The following PROK2 variants were observed in gnomAD, a reference collection of about 807,000 sequenced individuals.
The protein encoded by PROK2 is prokineticin 2, also known as prokineticin-2.
PROK2 carries 8 observed loss-of-function variants against 14.2 expected under a neutral mutation model. That is an observed-to-expected ratio of 0.56 (90% CI 0.33 to 1.02). The LOEUF is 1.02. Ranked by LOEUF, PROK2 falls within the 50% of genes least tolerant of loss-of-function variation. The pLI, the probability that PROK2 is intolerant of heterozygous loss-of-function variation, is 0.03. For missense variants in PROK2, 154 were observed against 160.4 expected, an observed-to-expected ratio of 0.96 and a Z score of 0.22; for synonymous variants, 59 against 60.7, an observed-to-expected ratio of 0.97 and a Z score of 0.13.
intron 2 of PROK2, among the ~76,000 whole-genome samples, chr3:71,779,617 T>A (rs1451487930): frequency 2.0e-5 from 3 of 152,150 alleles, no homozygotes; most frequent in Non-Finnish European, 4.4e-5. Context: ...CAATTTTTCT[T>A]TTTCCAGACA....
chr3:71,773,600 C>T (rs574100809), intron 3 of PROK2, among the ~76,000 whole-genome samples: 108 of 152,302 alleles, frequency 7.1e-4, no homozygotes, highest in Non-Finnish European at 1.3e-3. Flanking sequence ...CAAATATAAA[C>T]TCACCATCAA....
At chr3:71,774,574 G>T (rs1289429314) in intron 2 of PROK2, 67 bp from the exon 3 acceptor site, 1 of 1,522,996 alleles carries the variant, frequency 6.6e-7, no homozygotes. Flanking sequence ...CAATGGGAGG[G>T]CAGGGTATGC....
chr3:71,774,328 A>G, intron 3 of PROK2, 117 bp downstream of exon 3: 1 of 1,513,130 alleles, frequency 6.6e-7, no homozygotes, highest in East Asian at 2.5e-5. Flanking sequence ...GAACCATTCT[A>G]ATCTTATGTT....
chr3:71,781,331 T>C (rs2050158725), intron 2 of PROK2, 136 bp downstream of exon 2: 1 of 1,152,566 alleles, frequency 8.7e-7, no homozygotes, highest in South Asian at 1.3e-5. Context: ...AGGGGGTAGT[T>C]TTACACTGTT....
At chr3:71,780,360 G>C (rs2050152010) in intron 2 of PROK2, among the ~76,000 whole-genome samples, 1 of 152,168 alleles carries the variant, frequency 6.6e-6, no homozygotes, top group Non-Finnish European at 1.5e-5. Flanking sequence ...AATATTAACT[G>C]TTCTCTGGGA....
rs2050118816 is a variant in PROK2 at position 71,776,363 on chromosome 3, C to CTTTTTTTTTTTTTTTTTTTTTTTTTTTT, written c.223-1857_223-1856insAAAAAAAAAAAAAAAAAAAAAAAAAAAA. Among the ~76,000 whole-genome samples, 4 of 92,070 alleles carry CTTTTTTTTTTTTTTTTTTTTTTTTTTTT rather than the reference C, an allele frequency of 4.3e-5. 1 individual carries two copies. The highest frequency in any genetic ancestry group is 8.9e-5 in the African/African-American group (2 of 22,464). 60.4% of individuals were successfully genotyped at this position (92,070 alleles called of 152,430 possible). A position where few individuals can be genotyped will look rare whatever the true frequency, so the allele number is the denominator to read the frequency against. On this transcript the variant is annotated intron_variant, in intron 2 of 3. Coordinates refer to ENST00000295619, the MANE Select transcript of PROK2 (RefSeq NM_001126128.2). Reference sequence around the variant, plus strand: ...CTTTTCTTTTTTTCTTTTCGCTTTTCATTTTTTTTTTTTTTTTTTTTTTTT... The same window carrying CTTTTTTTTTTTTTTTTTTTTTTTTTTTT: ...CTTTTCTTTTTTTCTTTTCGCTTTTCTTTTTTTTTTTTTTTTTTTTTTTTTTTTATTTTTTTTTTTTTTTTTTTTTTTT...
Position 71,772,591 on chromosome 3 carries a change from G to T in PROK2, c.*133C>A. 10 of 742,984 alleles carry T rather than the reference G, an allele frequency of 1.3e-5. No homozygotes were observed. The highest frequency in any genetic ancestry group is 2.6e-5 in the East Asian group (1 of 38,300). 46.0% of individuals were successfully genotyped at this position (742,984 alleles called of 1,614,324 possible). A position where few individuals can be genotyped will look rare whatever the true frequency, so the allele number is the denominator to read the frequency against. On this transcript the variant is annotated 3_prime_UTR_variant, in exon 4 of 4. Transcript: ENST00000295619. The stretch of plus-strand genomic sequence containing the variant: ...AAAAAAAAATCATTTACAAATCAAA[G>T]ATAAAAATGTTACTTGGAAAGTTGA...
chr3:71,772,437 G>T lies in PROK2; in HGVS notation c.*287C>A, dbSNP rs1244932618. On this transcript the variant is annotated 3_prime_UTR_variant, in exon 4 of 4. Coordinates refer to ENST00000295619, the MANE Select transcript of PROK2 (RefSeq NM_001126128.2). ...TATTTTCCTCATTTTTGTGAAAATG[G>T]GTACGTTTTTGACATTTAAGAAAAA... is the stretch of plus-strand genomic sequence containing the variant. 2.8e-6 allele frequency: 1 copy of T among 352,326 alleles called. No individual in the cohort carries two copies. Among genetic ancestry groups the T allele is most frequent in the Non-Finnish European group, 5.1e-6 (1 of 194,816 alleles). 21.8% of individuals were successfully genotyped at this position (352,326 alleles called of 1,614,324 possible).
chr3:71,784,513 TAAGAC>T (rs2050195344), intron 1 of PROK2, among the ~76,000 whole-genome samples: 1 of 152,202 alleles, frequency 6.6e-6, no homozygotes, highest in Admixed American at 6.5e-5. Context: ...ACTGTAGGAT[TAAGAC>T]TCTGGGCACT....
chr3:71,775,933 T>C (rs1394507502), intron 2 of PROK2, among the ~76,000 whole-genome samples: 1 of 151,992 alleles, frequency 6.6e-6, no homozygotes, highest in African/African-American at 2.4e-5. Flanking sequence ...CCAACTCAGA[T>C]CCCAAGGCTC....
In PROK2 at chr3:71,771,690, A is replaced by G. The variant is rs1289917096; in HGVS notation, c.*1034T>C. ...AAGGATATAATATTAAAATAAATCA[A>G]ATGATATACAGTACTGTTATTATTC... On this transcript the variant is annotated 3_prime_UTR_variant, in exon 4 of 4. Coordinates refer to ENST00000295619, the MANE Select transcript of PROK2 (RefSeq NM_001126128.2). 2.6e-5 allele frequency: 4 copies of G among 152,676 alleles called. No individual in the cohort carries two copies. Among genetic ancestry groups the G allele is most frequent in the Non-Finnish European group, 5.9e-5 (4 of 68,042 alleles). The allele number at this position is 152,676 out of a possible 1,614,324, so 9.5% of individuals were successfully genotyped here. A position where few individuals can be genotyped will look rare whatever the true frequency, so the allele number is the denominator to read the frequency against.
chr3:71,773,330 T>G (rs562368809), intron 3 of PROK2, among the ~76,000 whole-genome samples: 1 of 152,314 alleles, frequency 6.6e-6, no homozygotes, highest in Admixed American at 6.5e-5. Flanking sequence ...AAACACCTTG[T>G]AAAGATGGCA....
At chr3:71,774,412 C>T in intron 3 of PROK2, 33 bp downstream of exon 3, 1 of 1,551,604 alleles carries the variant, frequency 6.4e-7, no homozygotes, top group African/African-American at 1.4e-5. Flanking sequence ...CTGGGCATGT[C>T]TTTCGGTGGT....
Position 71,772,715 on chromosome 3 carries a change from C to T in PROK2, c.*9G>A. On this transcript the variant is annotated 3_prime_UTR_variant, in exon 4 of 4. Coordinates refer to ENST00000295619, the MANE Select transcript of PROK2 (RefSeq NM_001126128.2). ...TGGCTATTCACATTTGGTTTCTACT[C>T]CAGAGCGATTACTTTTGGGCTAAAC... 1 of 1,610,604 alleles carries T rather than the reference C, an allele frequency of 6.2e-7. No individual in the cohort carries two copies. Among genetic ancestry groups the T allele is most frequent in the South Asian group, 1.1e-5 (1 of 90,988 alleles).
intron 3 of PROK2, among the ~76,000 whole-genome samples, 152 bp downstream of exon 3, chr3:71,774,293 T>C (rs2050101936): frequency 6.6e-6 from 1 of 152,192 alleles, no homozygotes; most frequent in African/African-American, 2.4e-5. Context: ...ATACAGATTA[T>C]CAAAGCTGTC....
chr3:71,776,069 C>A (rs1382737415), intron 2 of PROK2, among the ~76,000 whole-genome samples: 1 of 152,108 alleles, frequency 6.6e-6, no homozygotes, highest in Non-Finnish European at 1.5e-5. Flanking sequence ...AATCCAGGAC[C>A]TAGGAGGGAC....
At chr3:71,783,485 C>A (rs2050184878) in intron 1 of PROK2, among the ~76,000 whole-genome samples, 1 of 152,130 alleles carries the variant, frequency 6.6e-6, no homozygotes, top group Admixed American at 6.5e-5. Context: ...TATTTTGTAA[C>A]AAAAGCTTCA....
chr3:71,776,816 T>C (rs1168201224), intron 2 of PROK2, among the ~76,000 whole-genome samples: 1 of 152,194 alleles, frequency 6.6e-6, no homozygotes, highest in East Asian at 1.9e-4. Context: ...AGAAAGTGCT[T>C]ACAGAAGATG....
Position 71,781,497 on chromosome 3 carries a change from C to T in PROK2, c.192G>A (p.Leu64=). The change falls in exon 2 of 4, where the codon CTG becomes CTA. Residue 64 remains leucine (L), a synonymous_variant. Coordinates refer to ENST00000295619, the MANE Select transcript of PROK2 (RefSeq NM_001126128.2). ...SIRICTPMGK[L]GDSCHPLTRK... The stretch of plus-strand genomic sequence containing the variant: ...GAGTCAGTGGATGGCAGCTGTCTCC[C>T]AGTTTGCCCATAGGTGTGCAAATCC... 1.2e-6 allele frequency: 2 copies of T among 1,614,032 alleles called. No individual in the cohort carries two copies. The highest frequency in any genetic ancestry group is 2.2e-5 in the South Asian group (2 of 91,076).
Sources: gnomAD v4.1 joint callset for allele counts (sites outside exome capture counted in the v4.1 genomes callset) on GRCh38, gnomAD v4.1.1 for gene constraint, MANE v1.5 for transcripts, NCBI Gene and HGNC (gene_info 2026-07-23, HGNC 2026-07-21) for gene names.